SANBR: variants seen among roughly 807,000 people sequenced by gnomAD.
SANBR encodes the protein SANT and BTB domain regulator of class switch recombination.
A neutral mutation model predicts 101.8 loss-of-function variants in SANBR; 77 were observed. The observed-to-expected ratio is 0.76, with a 90% CI of 0.63 to 0.91. SANBR has a LOEUF of 0.91. Among genes scored for constraint, SANBR ranks in the 40% least tolerant of loss-of-function variants. The pLI, the probability that SANBR is intolerant of heterozygous loss-of-function variation, is 0.00. For missense variants in SANBR, 875 were observed against 853.0 expected (o/e 1.03, Z -0.32); for synonymous variants, 279 against 274.7 (o/e 1.02, Z -0.15).
intron 11 of SANBR, among the ~76,000 whole-genome samples, chr2:61,096,288 A>G (rs1336920411): frequency 1.3e-5 from 2 of 152,164 alleles, no homozygotes; most frequent in Non-Finnish European, 2.9e-5. Context: ...TGAGTAAGAT[A>G]TCACCTACTC....
intron 5 of SANBR, 112 bp downstream of exon 5, chr2:61,073,663 C>A: frequency 1.8e-6 from 1 of 550,954 alleles, no homozygotes; most frequent in East Asian, 3.1e-5. Context: ...ATTGCTGAAA[C>A]TACTGGAATC....
intron 16 of SANBR, among the ~76,000 whole-genome samples, chr2:61,115,336 A>G (rs1229167749): frequency 2.0e-5 from 2 of 100,532 alleles, no homozygotes; most frequent in African/African-American, 9.3e-5. Flanking sequence ...CATCGTATAT[A>G]TATATATATA....
intron 4 of SANBR, 133 bp downstream of exon 4, chr2:61,071,925 A>G (rs1443583116): frequency 3.3e-6 from 2 of 599,338 alleles, no homozygotes; most frequent in East Asian, 3.4e-5. Context: ...TCATATTTGT[A>G]TCTTCCTGAA....
chr2:61,087,872 A>G (rs1332219322), intron 8 of SANBR, among the ~76,000 whole-genome samples: 2 of 151,950 alleles, frequency 1.3e-5, no homozygotes, highest in Admixed American at 1.3e-4. Context: ...GTAAAAATAA[A>G]AAATAAAATT....
At chr2:61,099,550 T>C (rs1683191033) in intron 12 of SANBR, among the ~76,000 whole-genome samples, 4 of 152,182 alleles carry the variant, frequency 2.6e-5, no homozygotes, top group Admixed American at 2.6e-4. Flanking sequence ...TTGGACATTT[T>C]GAGTTTGAGA....
At position 61,073,536 on chromosome 2, in the gene SANBR, C is replaced by T. The variant is rs1417827254; in HGVS notation, c.416C>T (p.Thr139Ile). The part of the protein sequence containing the change: ...NCTTHNGGEM[T>I]EESEGPNMVI... ...ACTACTCATAATGGTGGAGAAATGA[C>T]TGAAGAATCTGAAGGGTAGGCGGCT... Residue 139 changes from threonine to isoleucine, a missense_variant, in exon 5 of 22, where the codon ACT (threonine) becomes ATT (isoleucine). Coordinates refer to ENST00000402291, the MANE Select transcript of SANBR (RefSeq NM_001129993.3). The T allele has an allele frequency of 6.4e-7, 1 of 1,561,120 alleles. No homozygotes were observed. Among genetic ancestry groups the T allele is most frequent in the Admixed American group, 1.8e-5 (1 of 55,718 alleles).
Position 61,070,341 on chromosome 2 carries a change from GT to G in SANBR, c.-8del, listed in dbSNP as rs767067398. 1.3e-6 allele frequency: 2 copies of G among 1,561,024 alleles called. No homozygotes were observed. The highest frequency in any genetic ancestry group is 1.7e-6 in the Non-Finnish European group (2 of 1,159,832). ...AAGCTTTTTGTCTTCCCTATCCCTA[GT>G]TCCAAAAGATGAGTCGTGGATATTC... On this transcript the variant is annotated splice_region_variant and 5_prime_UTR_variant, in exon 3 of 22. Coordinates refer to ENST00000402291, the MANE Select transcript of SANBR (RefSeq NM_001129993.3).
intron 16 of SANBR, among the ~76,000 whole-genome samples, chr2:61,114,527 C>A (rs182512792): frequency 6.6e-6 from 1 of 152,300 alleles, no homozygotes; most frequent in Admixed American, 6.5e-5. Context: ...TCTGCAAAAA[C>A]CTTCTGGCCT....
chr2:61,122,040 T>G, intron 21 of SANBR, 86 bp from the exon 22 acceptor site: 2 of 1,509,624 alleles, frequency 1.3e-6, no homozygotes, highest in Non-Finnish European at 1.8e-6. Flanking sequence ...ACCTTGATGT[T>G]GCCAAGCCAA....
chr2:61,122,411 C>T lies in SANBR; in HGVS notation c.*249C>T. The T allele has an allele frequency of 8.3e-7, 1 of 1,198,400 alleles. No homozygotes were observed. The highest frequency in any genetic ancestry group is 1.6e-5 in the African/African-American group (1 of 63,410). 74.2% of individuals were successfully genotyped at this position (1,198,400 alleles called of 1,614,324 possible). ...AGGCTATGTAGAAAGCAATTATTTACAAATTTGCATAGTTGAGACTCCCAG... is the reference window on the plus strand; with the variant it reads ...AGGCTATGTAGAAAGCAATTATTTATAAATTTGCATAGTTGAGACTCCCAG... On this transcript the variant is annotated 3_prime_UTR_variant, in exon 22 of 22. Transcript: ENST00000402291.
rs1481714808 is a variant in SANBR at position 61,092,555 on chromosome 2, A to G, written c.1180A>G (p.Ile394Val). Reference sequence around the variant, plus strand: ...TGTATACTGGCGATTGTGGGGAACAATCAATTGGCTGACTTGTTCAAGATG... The same window carrying G: ...TGTATACTGGCGATTGTGGGGAACAGTCAATTGGCTGACTTGTTCAAGATG... Reference protein sequence around the residue: ...RDVYWRLWGTINWLTCSRCYQ... With the variant: ...RDVYWRLWGTVNWLTCSRCYQ... The change falls in exon 11 of 22, where the codon ATC (isoleucine) becomes GTC (valine). Residue 394 changes from isoleucine to valine, a missense_variant. Coordinates refer to ENST00000402291, the MANE Select transcript of SANBR (RefSeq NM_001129993.3). 3.7e-6 allele frequency: 6 copies of G among 1,601,510 alleles called. No individual in the cohort carries two copies. Among genetic ancestry groups the G allele is most frequent in the Non-Finnish European group, 4.3e-6 (5 of 1,175,762 alleles).
At chr2:61,080,196 CAAAAAAAAAA>C (rs57117097) in intron 6 of SANBR, among the ~76,000 whole-genome samples, 1 of 113,246 alleles carries the variant, frequency 8.8e-6, no homozygotes, top group Non-Finnish European at 1.8e-5. Context: ...AACTTTGTCT[CAAAAAAAAAA>C]AAAAAAAAGC....
rs1276887106 is a variant in SANBR, at chr2:61,124,081, C to G, written c.*1919C>G. ...TGCGCTCCTAGCCTGGGTGACAGAGCAAGACTCCATCTCAATTTAAAACAA... is the reference window on the plus strand; with the variant it reads ...TGCGCTCCTAGCCTGGGTGACAGAGGAAGACTCCATCTCAATTTAAAACAA... On this transcript the variant is annotated 3_prime_UTR_variant, in exon 22 of 22. Coordinates refer to ENST00000402291, the MANE Select transcript of SANBR (RefSeq NM_001129993.3). 11 of 870,354 alleles carry G rather than the reference C, an allele frequency of 1.3e-5. No homozygotes were observed. Among genetic ancestry groups the G allele is most frequent in the Non-Finnish European group, 1.5e-5 (11 of 724,950 alleles). 53.9% of individuals were successfully genotyped at this position (870,354 alleles called of 1,614,324 possible).
intron 13 of SANBR, 106 bp from the exon 14 acceptor site, chr2:61,106,457 G>T (rs1188423856): frequency 1.1e-5 from 7 of 638,118 alleles, no homozygotes; most frequent in South Asian, 1.8e-5. Context: ...CTCAGGAACT[G>T]TATTTCTAAA....
At chr2:61,115,046 A>G (rs894170283) in intron 16 of SANBR, among the ~76,000 whole-genome samples, 19 of 152,192 alleles carry the variant, frequency 1.2e-4, no homozygotes, top group Middle Eastern at 3.2e-3. Context: ...AGGTTTTGAT[A>G]TCAGAGTCAT....
At chr2:61,128,271 C>CAAAA (rs1200152788), downstream of SANBR, among the ~76,000 whole-genome samples, 1 of 104,958 alleles carries the variant, frequency 9.5e-6, no homozygotes, top group Non-Finnish European at 2.0e-5. Context: ...GACTCTGTCT[C>CAAAA]AAAAAAAAAA....
downstream of SANBR, among the ~76,000 whole-genome samples, chr2:61,126,505 T>A (rs936765085): frequency 4.6e-5 from 7 of 152,070 alleles, no homozygotes; most frequent in Non-Finnish European, 1.0e-4. Flanking sequence ...AAACCTAGAA[T>A]AAAATCCAAC....
intron 5 of SANBR, 120 bp from the exon 6 acceptor site, chr2:61,076,800 C>T (rs2104858595): frequency 1.5e-6 from 1 of 684,238 alleles, no homozygotes; most frequent in South Asian, 1.9e-5. Context: ...CCCTATAAAA[C>T]TGATTTGTGT....
downstream of SANBR, among the ~76,000 whole-genome samples, chr2:61,127,679 A>G (rs1345520827): frequency 6.6e-6 from 1 of 152,188 alleles, no homozygotes; most frequent in Non-Finnish European, 1.5e-5. Flanking sequence ...TAAAAATAAC[A>G]TTATAAACAG....
Sources: allele counts gnomAD v4.1 joint callset (sites outside exome capture counted in the v4.1 genomes callset), GRCh38; gene constraint gnomAD v4.1.1; transcripts MANE v1.5; gene names NCBI Gene and HGNC (gene_info 2026-07-23, HGNC 2026-07-21).